The following MEF2A variants were observed in gnomAD, a reference collection of about 807,000 sequenced individuals.
MEF2A encodes the protein myocyte-specific enhancer factor 2A.
A neutral mutation model predicts 55.8 loss-of-function variants in MEF2A; 28 were observed. That is an observed-to-expected ratio of 0.50 (90% CI 0.37 to 0.69). MEF2A has a LOEUF of 0.69. Ranked by LOEUF, MEF2A falls within the 30% of genes least tolerant of loss-of-function variation. MEF2A has a pLI of 0.00. For synonymous variants in MEF2A, 239 were observed against 227.1 expected, an observed-to-expected ratio of 1.05 and a Z score of -0.47; for missense variants, 528 against 626.2, an observed-to-expected ratio of 0.84 and a Z score of 1.67.
intron 2 of MEF2A, among the ~76,000 whole-genome samples, chr15:99,601,195 GCTAGT>G (rs1168312842): frequency 6.6e-6 from 1 of 152,112 alleles, no homozygotes; most frequent in East Asian, 1.9e-4. Context: ...ATTGATTGAT[GCTAGT>G]CTACAGAGAT....
intron 4 of MEF2A, among the ~76,000 whole-genome samples, chr15:99,654,865 C>A (rs926635426): frequency 6.6e-6 from 1 of 152,114 alleles, no homozygotes; most frequent in African/African-American, 2.4e-5. Context: ...ACTGAAAAAC[C>A]TGAGTTTTTA....
At chr15:99,626,743 A>G (rs1169152106) in intron 2 of MEF2A, among the ~76,000 whole-genome samples, 1 of 152,220 alleles carries the variant, frequency 6.6e-6, no homozygotes, top group East Asian at 1.9e-4. Context: ...GAGAATTAAC[A>G]TCTTTATAAA....
intron 3 of MEF2A, among the ~76,000 whole-genome samples, chr15:99,640,559 CT>C (rs561916381): frequency 1.8e-3 from 241 of 133,850 alleles, no homozygotes; most frequent in South Asian, 2.9e-3. Context: ...TCTTTCTTTT[CT>C]TTTTTTTTTT....
chr15:99,645,479 A>C, intron 3 of MEF2A, 82 bp from the exon 4 acceptor site: 1 of 1,037,446 alleles, frequency 9.6e-7, no homozygotes, highest in Non-Finnish European at 1.4e-6. Flanking sequence ...GCTCAGTATT[A>C]AGAAGAAGAT....
chr15:99,681,961 T>C (rs1412041094), intron 7 of MEF2A: 2 of 152,226 alleles, frequency 1.3e-5, no homozygotes, highest in African/African-American at 4.8e-5. Context: ...TGTATTTTTG[T>C]TTATTGAATA....
chr15:99,670,213 T>C (rs1348272112), intron 4 of MEF2A, among the ~76,000 whole-genome samples: 1 of 152,194 alleles, frequency 6.6e-6, no homozygotes, highest in Admixed American at 6.5e-5. Context: ...ATGATGAATT[T>C]AAGTTAAAAA....
intron 2 of MEF2A, among the ~76,000 whole-genome samples, chr15:99,628,449 A>G (rs923048373): frequency 3.3e-5 from 5 of 152,186 alleles, no homozygotes; most frequent in Admixed American, 6.5e-5. Flanking sequence ...AATTACTTAC[A>G]TATTTGGATT....
chr15:99,594,086 A>G (rs1970308628), intron 1 of MEF2A, among the ~76,000 whole-genome samples: 1 of 152,272 alleles, frequency 6.6e-6, no homozygotes, highest in East Asian at 1.9e-4. Context: ...GATACTATCT[A>G]CCTGGAGATG....
At chr15:99,629,087 C>T (rs113751670) in intron 2 of MEF2A, among the ~76,000 whole-genome samples, 3 of 151,482 alleles carry the variant, frequency 2.0e-5, no homozygotes, top group African/African-American at 7.3e-5. Context: ...AGCTATAACT[C>T]TTATTGTTGC....
In MEF2A at chr15:99,674,378, T is replaced by C; in HGVS notation, c.391-15T>C. On this transcript the variant is annotated splice_polypyrimidine_tract_variant and intron_variant, in intron 5 of 11. Coordinates refer to ENST00000557942, the MANE Select transcript of MEF2A (RefSeq NM_001319206.4). The stretch of plus-strand genomic sequence containing the variant: ...CGAAACCAACAGTTTTTTCCTTCTT[T>C]TTCTTTATTTACAGCCTGGTCTGCC... 1 of 1,579,726 alleles carries C rather than the reference T, an allele frequency of 6.3e-7. No homozygotes were observed.
At chr15:99,636,251 T>C (rs956836748) in intron 3 of MEF2A, among the ~76,000 whole-genome samples, 12 of 152,242 alleles carry the variant, frequency 7.9e-5, no homozygotes, top group South Asian at 2.1e-4. Context: ...TTTTTTCTTA[T>C]TAATATGCAT....
At chr15:99,597,380 G>A (rs1257862935) in intron 1 of MEF2A, among the ~76,000 whole-genome samples, 3 of 152,040 alleles carry the variant, frequency 2.0e-5, no homozygotes, top group Admixed American at 1.3e-4. Context: ...ATTAGGAAGA[G>A]GAAATTCCCG....
At chr15:99,685,214 C>G (rs1360735830) in intron 7 of MEF2A, among the ~76,000 whole-genome samples, 1 of 152,042 alleles carries the variant, frequency 6.6e-6, no homozygotes, top group South Asian at 2.1e-4. Context: ...ATTTTTTTCC[C>G]CCCTAGTTCT....
Position 99,679,527 on chromosome 15 carries a change from C to T in MEF2A, c.670+4069C>T, listed in dbSNP as rs1021380405. On this transcript the variant is annotated intron_variant, in intron 7 of 11. Transcript: ENST00000557942. ...CAAAAAAACTATAGTGTTTGGGATG[C>T]TTGTGTAGATAGATGGCAGAGCCAT... Among the ~76,000 whole-genome samples the T allele has an allele frequency of 4.5e-4, 69 of 152,150 alleles. 1 individual carries two copies. Among genetic ancestry groups the T allele is most frequent in the Admixed American group, 4.2e-3 (64 of 15,288 alleles).
intron 8 of MEF2A, among the ~76,000 whole-genome samples, chr15:99,699,962 G>A (rs951833239): frequency 2.0e-4 from 18 of 88,266 alleles, no homozygotes; most frequent in Non-Finnish European, 3.9e-4. Flanking sequence ...ATGTGTGTGT[G>A]TGTGTGTGTG....
chr15:99,594,618 C>T (rs1970541652), intron 1 of MEF2A, among the ~76,000 whole-genome samples: 1 of 152,132 alleles, frequency 6.6e-6, no homozygotes, highest in Non-Finnish European at 1.5e-5. Context: ...ATGCCTAGGT[C>T]TTTCTGATGA....
At chr15:99,674,298 G>A (rs950638482) in intron 5 of MEF2A, 95 bp from the exon 6 acceptor site, 47 of 1,115,862 alleles carry the variant, frequency 4.2e-5, no homozygotes, top group Non-Finnish European at 5.3e-5. Context: ...TCTACTTTTA[G>A]TAACTTGAGT....
In MEF2A at chr15:99,586,345, T is replaced by C. The variant is rs111613193; in HGVS notation, c.-224-12085T>C. On this transcript the variant is annotated intron_variant, in intron 1 of 11. Transcript: ENST00000557942. ...TCCATATCTTCACCAACACTTTGCATTGTGAGCCTTTTTAAGTTGAGACAT... is the reference window on the plus strand; with the variant it reads ...TCCATATCTTCACCAACACTTTGCACTGTGAGCCTTTTTAAGTTGAGACAT... 9.7e-4 allele frequency among the ~76,000 whole-genome samples: 148 copies of C among 152,300 alleles called. 3 individuals are homozygous for C. The highest frequency in any genetic ancestry group is 3.2e-4 in the Non-Finnish European group (22 of 68,006).
intron 7 of MEF2A, among the ~76,000 whole-genome samples, chr15:99,683,037 A>C (rs1434348201): frequency 6.6e-6 from 1 of 152,244 alleles, no homozygotes; most frequent in Non-Finnish European, 1.5e-5. Context: ...TTATTTAATA[A>C]ACATTTTTAA....
Sources: gnomAD v4.1 joint callset for allele counts (sites outside exome capture counted in the v4.1 genomes callset) on GRCh38, gnomAD v4.1.1 for gene constraint, MANE v1.5 for transcripts, NCBI Gene and HGNC (gene_info 2026-07-23, HGNC 2026-07-21) for gene names.